Variants in ATMIN observed in about 807,000 individuals in gnomAD.
The protein encoded by ATMIN is ATM interactor, also known as ATM INteracting protein.
A neutral mutation model predicts 49.2 loss-of-function variants in ATMIN; 24 were observed. That is an observed-to-expected ratio of 0.49 (90% CI 0.35 to 0.69). The LOEUF is 0.69. Among genes scored for constraint, ATMIN ranks in the 30% least tolerant of loss-of-function variants. The pLI is 0.00. For missense variants in ATMIN, 1,037 were observed against 1,005.5 expected (o/e 1.03, Z -0.42); for synonymous variants, 450 against 392.5 (o/e 1.15, Z -1.73).
At position 81,043,897 on chromosome 16, in the gene ATMIN, A is replaced by G; in HGVS notation, c.1399A>G (p.Lys467Glu). 1.2e-6 allele frequency: 2 copies of G among 1,614,166 alleles called. No homozygotes were observed. The highest frequency in any genetic ancestry group is 1.7e-6 in the Non-Finnish European group (2 of 1,180,020). Residue 467 changes from lysine to glutamate, a missense_variant, in exon 4 of 4, where the codon AAG becomes GAG. Transcript: ENST00000299575. ...CACTCAGACATTTTTGCCCAGCTCT[A>G]AGGTAACTTCATCTATAGCTGCTCA... ...VHTQTFLPSS[K>E]VTSSIAAQTD...
chr16:81,037,439 T>C (rs535470167), intron 1 of ATMIN: 133 of 985,412 alleles, frequency 1.3e-4, no homozygotes, highest in Non-Finnish European at 1.5e-4. Flanking sequence ...ACGTTCTCAA[T>C]TGAAGATCAG....
rs145596345 is a variant in ATMIN, at chr16:81,044,540, C to A, written c.2042C>A (p.Thr681Asn). 2.2e-5 allele frequency: 36 copies of A among 1,613,930 alleles called. No homozygotes were observed. In the African/African-American group the frequency reaches 4.5e-4, roughly 20 times the overall value. ...CAAACGGACTTCTTACTCGCAGATA[C>A]CTCTGCTCAGTCCTATGGGTGTAGG... ...ETQTDFLLAD[T>N]SAQSYGCRGN... Residue 681 changes from threonine (T) to asparagine (N), a missense_variant, in exon 4 of 4, where the codon ACC becomes AAC. Thr to Asn is a moderately conservative substitution (Grantham distance 65). Transcript: ENST00000299575.
Position 81,036,057 on chromosome 16 carries a change from C to T in ATMIN, c.187C>T (p.Pro63Ser), listed in dbSNP as rs1420375573. ...GATQQPAVPA[P>S]PAGELIQPSV... ...GACGCAGCAGCCCGCTGTCCCCGCG[C>T]CGCCGGCGGGGGAGCTGATCCAGCC... Residue 63 changes from proline to serine, a missense_variant, in exon 1 of 4, where the codon CCG becomes TCG. Physicochemically the swap from Pro to Ser is moderately conservative, Grantham distance 74. Transcript: ENST00000299575. 2.0e-5 allele frequency: 25 copies of T among 1,274,598 alleles called. No individual in the cohort carries two copies. Among genetic ancestry groups the T allele is most frequent in the Non-Finnish European group, 2.5e-5 (25 of 1,001,904 alleles). The allele number at this position is 1,274,598 out of a possible 1,614,324, so 79.0% of individuals were successfully genotyped here.
chr16:81,044,140 C>T lies in ATMIN; in HGVS notation c.1642C>T (p.Pro548Ser). ...VAETVTHSLL[P>S]QNEPKTLNQD... ...AGAGACAGTAACTCATAGTTTGTTA[C>T]CTCAGAATGAGCCTAAGACTTTAAA... The change falls in exon 4 of 4, where the codon CCT (proline) becomes TCT (serine). Residue 548 changes from proline to serine, a missense_variant. Physicochemically the swap from Pro to Ser is moderately conservative, Grantham distance 74. Transcript: ENST00000299575. The T allele has an allele frequency of 1.2e-6, 2 of 1,614,150 alleles. No homozygotes were observed. Among genetic ancestry groups the T allele is most frequent in the Admixed American group, 3.3e-5 (2 of 60,020 alleles).
At chr16:81,041,149 G>A (rs1195789954) in intron 1 of ATMIN, 4 of 501,172 alleles carry the variant, frequency 8.0e-6, no homozygotes, top group Non-Finnish European at 1.4e-5. Flanking sequence ...TCAAATGAAT[G>A]CAGAATTTTA....
chr16:81,041,390 T>G lies in ATMIN; in HGVS notation c.371T>G (p.Leu124Trp), dbSNP rs1169076279. The change falls in exon 2 of 4, where the codon TTG becomes TGG. Residue 124 changes from leucine (L) to tryptophan (W), a missense_variant. By Grantham distance (61) the Leu-to-Trp change is moderately conservative. Coordinates refer to ENST00000299575, the MANE Select transcript of ATMIN (RefSeq NM_015251.3). ...GTCAATCCAACAATAAGAAAAGATTTGAAAACTGGACCGAAATTCTACTGC... is the reference window on the plus strand; with the variant it reads ...GTCAATCCAACAATAAGAAAAGATTGGAAAACTGGACCGAAATTCTACTGC... ...GIVNPTIRKD[L>W]KTGPKFYCCP... The G allele has an allele frequency of 4.3e-6, 7 of 1,613,666 alleles. No homozygotes were observed. The highest frequency in any genetic ancestry group is 5.1e-6 in the Non-Finnish European group (6 of 1,179,948).
chr16:81,044,472 C>G lies in ATMIN; in HGVS notation c.1974C>G (p.Thr658=), dbSNP rs1971086698. Residue 658 remains threonine, a synonymous_variant, in exon 4 of 4, where the codon ACC becomes ACG. Coordinates refer to ENST00000299575, the MANE Select transcript of ATMIN (RefSeq NM_015251.3). ...QTQTEESELS[T]MTTEPVLESL... Reference sequence around the variant, plus strand: ...AAACTGAAGAGAGTGAACTTAGCACCATGACCACCGAGCCAGTCTTGGAGT... The same window carrying G: ...AAACTGAAGAGAGTGAACTTAGCACGATGACCACCGAGCCAGTCTTGGAGT... The G allele has an allele frequency of 6.2e-7, 1 of 1,614,008 alleles. No homozygotes were observed. Among genetic ancestry groups the G allele is most frequent in the East Asian group, 2.2e-5 (1 of 44,870 alleles).
intron 2 of ATMIN, 42 bp from the exon 3 acceptor site, chr16:81,042,239 A>G: frequency 2.6e-6 from 4 of 1,565,628 alleles, no homozygotes; most frequent in South Asian, 1.1e-5. Context: ...TGTTTTGACC[A>G]GTTGCTGTTT....
chr16:81,042,547 G>GGA, intron 3 of ATMIN, 67 bp downstream of exon 3: 1 of 1,509,874 alleles, frequency 6.6e-7, no homozygotes, highest in South Asian at 1.2e-5. Flanking sequence ...GAAACATCCT[G>GGA]GAGAGCCAGT....
At chr16:81,042,230 G>A in intron 2 of ATMIN, 51 bp from the exon 3 acceptor site, 1 of 1,528,278 alleles carries the variant, frequency 6.5e-7, no homozygotes, top group African/African-American at 1.4e-5. Context: ...TTTCTGAAAT[G>A]TTTTGACCAG....
chr16:81,036,235 G>A (rs764766326), intron 1 of ATMIN, 29 bp downstream of exon 1: 1 of 1,360,278 alleles, frequency 7.4e-7, no homozygotes, highest in Non-Finnish European at 9.6e-7. Context: ...GCGGCCCGGG[G>A]GGCCGGGCCT....
In ATMIN at chr16:81,041,472, C is replaced by A. The variant is rs138008606; in HGVS notation, c.453C>A (p.Leu151=). ...AGAGACCGTTTTCTCAGTTTTCTCT[C>A]GTAAAACAGGTACTCTCTACTCTGA... The part of the protein sequence containing the change: ...GPERPFSQFS[L]VKQHFMKMHA... Residue 151 remains leucine, a synonymous_variant, in exon 2 of 4, where the codon CTC becomes CTA. Coordinates refer to ENST00000299575, the MANE Select transcript of ATMIN (RefSeq NM_015251.3). The A allele has an allele frequency of 7.5e-6, 12 of 1,607,790 alleles. No homozygotes were observed. The highest frequency in any genetic ancestry group is 1.0e-5 in the Non-Finnish European group (12 of 1,178,584).
Position 81,037,623 on chromosome 16 carries a change from C to G in ATMIN, c.336+1417C>G, listed in dbSNP as rs75389113. 2.3e-3 allele frequency: 1,234 copies of G among 548,224 alleles called. 1 individual carries two copies. Among genetic ancestry groups the G allele is most frequent in the South Asian group, 3.7e-3 (47 of 12,596 alleles). The allele number at this position is 548,224 out of a possible 1,614,324, so 34.0% of individuals were successfully genotyped here. On this transcript the variant is annotated intron_variant, in intron 1 of 3. Coordinates refer to ENST00000299575, the MANE Select transcript of ATMIN (RefSeq NM_015251.3). ...AATTTTAACTAAATCCTTTTCTTCC[C>G]TATTGTTTTTGTGTTTTTTTGTTTG...
At chr16:81,037,802 A>AT (rs983631314) in intron 1 of ATMIN, among the ~76,000 whole-genome samples, 4 of 150,338 alleles carry the variant, frequency 2.7e-5, no homozygotes, top group South Asian at 2.1e-4. Flanking sequence ...CACCCTGCTA[A>AT]TTTTTTTTTG....
At position 81,043,311 on chromosome 16, in the gene ATMIN, T is replaced by C; in HGVS notation, c.813T>C (p.Phe271=). The C allele has an allele frequency of 6.2e-7, 1 of 1,614,180 alleles. No homozygotes were observed. The highest frequency in any genetic ancestry group is 8.5e-7 in the Non-Finnish European group (1 of 1,180,016). The part of the protein sequence containing the change: ...EASEIKLEPS[F]EDSCGSNTDK... Reference sequence around the variant, plus strand: ...CAGAAATAAAGCTAGAACCATCTTTTGAAGACTCTTGTGGCTCTAACACTG... The same window carrying C: ...CAGAAATAAAGCTAGAACCATCTTTCGAAGACTCTTGTGGCTCTAACACTG... The change falls in exon 4 of 4, where the codon TTT becomes TTC. Residue 271 remains phenylalanine (F), a synonymous_variant. Coordinates refer to ENST00000299575, the MANE Select transcript of ATMIN (RefSeq NM_015251.3).
chr16:81,041,227 C>A, intron 1 of ATMIN, 129 bp from the exon 2 acceptor site: 1 of 980,538 alleles, frequency 1.0e-6, no homozygotes, highest in Non-Finnish European at 1.5e-6. Context: ...TTACTGCTGA[C>A]ACTAGATGGA....
At chr16:81,038,240 C>T (rs911850872) in intron 1 of ATMIN, among the ~76,000 whole-genome samples, 14 of 152,096 alleles carry the variant, frequency 9.2e-5, no homozygotes, top group Non-Finnish European at 2.1e-4. Context: ...AAGCGAGTCT[C>T]CTGCCTCAGC....
chr16:81,037,939 C>G (rs1402620894), intron 1 of ATMIN, among the ~76,000 whole-genome samples: 1 of 152,094 alleles, frequency 6.6e-6, no homozygotes, highest in Non-Finnish European at 1.5e-5. Flanking sequence ...CGCGACCGAC[C>G]TAAATCCTTT....
At position 81,036,158 on chromosome 16, in the gene ATMIN, C is replaced by A. The variant is rs753362196; in HGVS notation, c.288C>A (p.Pro96=). 1.2e-5 allele frequency: 17 copies of A among 1,475,060 alleles called. No individual in the cohort carries two copies. The highest frequency in any genetic ancestry group is 2.1e-5 in the Admixed American group (1 of 48,648). The allele number at this position is 1,475,060 out of a possible 1,614,324, so 91.4% of individuals were successfully genotyped here. ...TGCGCGGCTGCGGCAAGATCCTGCC[C>A]AACAGCCCCGCGCTCAACATGCACC... The part of the protein sequence containing the change: ...CTVRGCGKIL[P]NSPALNMHLV... The change falls in exon 1 of 4, where the codon CCC becomes CCA. Residue 96 remains proline (P), a synonymous_variant. Transcript: ENST00000299575.
Sources: gnomAD v4.1 joint callset for allele counts (sites outside exome capture counted in the v4.1 genomes callset) on GRCh38, gnomAD v4.1.1 for gene constraint, MANE v1.5 for transcripts, NCBI Gene and HGNC (gene_info 2026-07-23, HGNC 2026-07-21) for gene names.